Variants in USP25 observed in about 807,000 individuals in gnomAD.
USP25 encodes the protein ubiquitin carboxyl-terminal hydrolase 25.
In USP25, 85 loss-of-function variants were observed where a neutral mutation model predicts 158.5. The ratio of observed to expected loss-of-function variants is 0.54; its 90% CI spans 0.45 to 0.64. The LOEUF is 0.64. USP25 is among the 30% of genes least tolerant of loss of function. The pLI is 0.00. For synonymous variants in USP25, 464 were observed against 460.4 expected, an observed-to-expected ratio of 1.01 and a Z score of -0.10; for missense variants, 1,242 against 1,327.3, an observed-to-expected ratio of 0.94 and a Z score of 1.00.
intron 1 of USP25, among the ~76,000 whole-genome samples, chr21:15,758,428 A>G (rs1177228556): frequency 1.3e-5 from 2 of 152,150 alleles, no homozygotes; most frequent in Non-Finnish European, 2.9e-5. Flanking sequence ...ATAGTGAATA[A>G]GTGTCACAAG....
intron 9 of USP25, among the ~76,000 whole-genome samples, chr21:15,817,736 T>C (rs2037016351): frequency 6.6e-6 from 1 of 151,924 alleles, no homozygotes; most frequent in Admixed American, 6.6e-5. Context: ...AACCATCACA[T>C]CTCATGAGGC....
chr21:15,813,964 G>T (rs779421810), intron 9 of USP25, among the ~76,000 whole-genome samples: 1 of 151,592 alleles, frequency 6.6e-6, no homozygotes, highest in Non-Finnish European at 1.5e-5. Context: ...GCAGAATTCC[G>T]TGTGTTGTGG....
At chr21:15,747,934 C>T (rs1339660355) in intron 1 of USP25, among the ~76,000 whole-genome samples, 1 of 152,194 alleles carries the variant, frequency 6.6e-6, no homozygotes, top group Non-Finnish European at 1.5e-5. Flanking sequence ...TCTTTATGTA[C>T]TTTCATGAGT....
At chr21:15,856,646 T>A (rs1185165230) in intron 20 of USP25, among the ~76,000 whole-genome samples, 2 of 152,118 alleles carry the variant, frequency 1.3e-5, no homozygotes, top group Non-Finnish European at 2.9e-5. Flanking sequence ...TAATTTTTTG[T>A]ATTTTTAGTA....
rs143108170 is a variant in USP25 at position 15,801,732 on chromosome 21, G to A, written c.642+1889G>A. Reference sequence around the variant, plus strand: ...CAATTTGAACACTTTGTCTTAAGTTGCAGAATACATTTGGGATTACTTTGA... The same window carrying A: ...CAATTTGAACACTTTGTCTTAAGTTACAGAATACATTTGGGATTACTTTGA... On this transcript the variant is annotated intron_variant, in intron 6 of 25. Transcript: ENST00000400183. Among the ~76,000 whole-genome samples, 66 of 151,666 alleles carry A rather than the reference G, an allele frequency of 4.4e-4. 1 individual carries two copies. The East Asian group carries it at 0.01, about 24-fold the overall frequency.
intron 20 of USP25, among the ~76,000 whole-genome samples, chr21:15,862,571 G>GTTT (rs369492534): frequency 3.1e-5 from 4 of 127,880 alleles, no homozygotes; most frequent in Admixed American, 2.4e-4. Context: ...CCCCTTCCCC[G>GTTT]TTTTTTTTTT....
intron 1 of USP25, among the ~76,000 whole-genome samples, chr21:15,734,474 T>C (rs2031285917): frequency 6.6e-6 from 1 of 152,168 alleles, no homozygotes; most frequent in African/African-American, 2.4e-5. Flanking sequence ...TTCCAGCTGT[T>C]TATTCCTTTT....
rs2039824306 is a variant in USP25, at chr21:15,870,163, CA to C, written c.2885+19del. On this transcript the variant is annotated intron_variant, in intron 23 of 25. Coordinates refer to ENST00000400183, the MANE Select transcript of USP25 (RefSeq NM_001283041.3). ...AAAGAGAAAGGTAAGGCAAAGTGGA[CA>C]AATATGAAAAGAGCATAATTTTTGC... The C allele has an allele frequency of 6.3e-7, 1 of 1,582,972 alleles. No individual in the cohort carries two copies. The highest frequency in any genetic ancestry group is 8.6e-7 in the Non-Finnish European group (1 of 1,159,152).
chr21:15,857,934 C>T (rs1013615911), intron 20 of USP25, among the ~76,000 whole-genome samples: 6 of 151,984 alleles, frequency 3.9e-5, no homozygotes, highest in African/African-American at 1.4e-4. Context: ...GCTGACTTGA[C>T]ACATATACTA....
intron 6 of USP25, among the ~76,000 whole-genome samples, chr21:15,802,102 GA>G (rs2036163959): frequency 6.6e-6 from 1 of 151,404 alleles, no homozygotes; most frequent in Middle Eastern, 3.2e-3. Context: ...TAAATGTTGA[GA>G]AAACAAAGAT....
intron 1 of USP25, among the ~76,000 whole-genome samples, chr21:15,747,121 G>GT (rs2032622013): frequency 6.6e-6 from 1 of 151,976 alleles, no homozygotes; most frequent in African/African-American, 2.4e-5. Context: ...TCTCTTGCCT[G>GT]TTTTTTCTTT....
In USP25 at chr21:15,811,233, T is replaced by C. The variant is rs766964656; in HGVS notation, c.931+23T>C. 8.2e-6 allele frequency: 13 copies of C among 1,579,198 alleles called. No homozygotes were observed. In the Admixed American group the frequency reaches 1.6e-4, roughly 20 times the overall value. ...AAGGTAGAGTTATACATTTACTTTTTATTGCAAGTGAAGAGAGATTATTAT... is the reference window on the plus strand; with the variant it reads ...AAGGTAGAGTTATACATTTACTTTTCATTGCAAGTGAAGAGAGATTATTAT... On this transcript the variant is annotated intron_variant, in intron 9 of 25. Transcript: ENST00000400183.
In USP25 at chr21:15,880,055, T is replaced by C. The variant is rs1008341343; in HGVS notation, c.*1580T>C. On this transcript the variant is annotated 3_prime_UTR_variant, in exon 26 of 26. Transcript: ENST00000400183. ...AAAGTATCCTTAATATTTTATGACA[T>C]TCTACCACAGTGGTAAAGTTGTTTG... 9 of 152,192 alleles carry C rather than the reference T, an allele frequency of 5.9e-5. No homozygotes were observed. The highest frequency in any genetic ancestry group is 6.3e-3 in the Middle Eastern group (2 of 316). The allele number at this position is 152,192 out of a possible 1,614,324, so 9.4% of individuals were successfully genotyped here.
Position 15,808,818 on chromosome 21 carries a change from A to T in USP25, c.790A>T (p.Ser264Cys). 3.1e-6 allele frequency: 5 copies of T among 1,604,266 alleles called. No homozygotes were observed. Among genetic ancestry groups the T allele is most frequent in the Non-Finnish European group, 4.2e-6 (5 of 1,177,368 alleles). ...KSNDSQQQDVSEFTHKLLDWL... is the reference protein window; with the variant it reads ...KSNDSQQQDVCEFTHKLLDWL... The stretch of plus-strand genomic sequence containing the variant: ...TTTTTTCTTTTCACAGCAAGATGTG[A>T]GTGAGTTTACACACAAATTATTAGA... The change falls in exon 8 of 26, where the codon AGT (serine) becomes TGT (cysteine). Residue 264 changes from serine to cysteine, a missense_variant. Physicochemically the swap from Ser to Cys is moderately radical, Grantham distance 112. This residue lies in a region of USP25 where 627 missense variants were observed against 701.4 expected (regional missense o/e 0.89). Coordinates refer to ENST00000400183, the MANE Select transcript of USP25 (RefSeq NM_001283041.3).
chr21:15,812,755 G>A (rs557781337), intron 9 of USP25, among the ~76,000 whole-genome samples: 2 of 152,182 alleles, frequency 1.3e-5, no homozygotes, highest in South Asian at 2.1e-4. Flanking sequence ...GCCTTAATAC[G>A]TTTTCACTTG....
chr21:15,812,161 A>G (rs1352289219), intron 9 of USP25, among the ~76,000 whole-genome samples: 1 of 150,916 alleles, frequency 6.6e-6, no homozygotes, highest in Non-Finnish European at 1.5e-5. Context: ...GTTTATATAT[A>G]TATGTAGAAT....
chr21:15,873,682 G>A (rs942802048), intron 23 of USP25, among the ~76,000 whole-genome samples: 6 of 151,922 alleles, frequency 3.9e-5, no homozygotes, highest in Middle Eastern at 3.4e-3. Flanking sequence ...TAGTAGAGGC[G>A]GGGTTTCTCC....
intron 24 of USP25, chr21:15,876,322 C>T (rs1568921316): frequency 6.6e-6 from 1 of 152,046 alleles, no homozygotes; most frequent in East Asian, 1.9e-4. Flanking sequence ...ATAAAATACC[C>T]TATTATTAAT....
chr21:15,745,494 T>G (rs4569550), intron 1 of USP25, among the ~76,000 whole-genome samples: 1 of 120,516 alleles, frequency 8.3e-6, no homozygotes, highest in Non-Finnish European at 1.7e-5. Context: ...TTTTTTTTTG[T>G]GACGGAATTT....
Sources: gnomAD v4.1 joint callset for allele counts (sites outside exome capture counted in the v4.1 genomes callset) on GRCh38, gnomAD v4.1.1 for gene constraint, gnomAD v4.1.1 regional missense constraint, MANE v1.5 for transcripts, NCBI Gene and HGNC (gene_info 2026-07-23, HGNC 2026-07-21) for gene names.